Variants in PATJ observed in about 807,000 individuals in gnomAD.
PATJ encodes the protein inaD-like protein.
In PATJ, 190 loss-of-function variants were observed where a neutral mutation model predicts 224.9. The ratio of observed to expected loss-of-function variants is 0.84; its 90% CI spans 0.75 to 0.95. The LOEUF is 0.95. Ranked by LOEUF, PATJ falls within the 40% of genes least tolerant of loss-of-function variation. The pLI, the probability that PATJ is intolerant of heterozygous loss-of-function variation, is 0.00. For synonymous variants in PATJ, 769 were observed against 820.3 expected, an observed-to-expected ratio of 0.94 and a Z score of 1.07; for missense variants, 2,121 against 2,270.3, an observed-to-expected ratio of 0.93 and a Z score of 1.34.
chr1:61,771,399 A>T, intron 5 of PATJ, 32 bp from the exon 6 acceptor site: 1 of 1,414,418 alleles, frequency 7.1e-7, no homozygotes, highest in East Asian at 2.4e-5. Context: ...TTATTAGATC[A>T]CTTAAAAAAT....
At chr1:61,780,338 G>A (rs1647180029) in intron 7 of PATJ, among the ~76,000 whole-genome samples, 1 of 152,026 alleles carries the variant, frequency 6.6e-6, no homozygotes, top group Non-Finnish European at 1.5e-5. Flanking sequence ...GGAGGTGCAT[G>A]CCCATAATCC....
chr1:61,796,721 TCTTTTTCTTTCTTTCTTTCTTTTTTTTC>T (rs1651320800), intron 10 of PATJ, among the ~76,000 whole-genome samples: 1 of 25,848 alleles, frequency 3.9e-5, no homozygotes, highest in East Asian at 1.6e-3. Flanking sequence ...TTTCTTTCTT[TCTTTTTCTTTCTTTCTTTCTTTTTTTTC>T]TTCCTTTCTT....
chr1:62,032,529 G>A (rs1649532608), intron 29 of PATJ, among the ~76,000 whole-genome samples: 1 of 152,078 alleles, frequency 6.6e-6, no homozygotes, highest in African/African-American at 2.4e-5. Flanking sequence ...TGTAAACTGG[G>A]GGCAGGAATT....
chr1:61,772,155 A>T (rs1014161072), intron 6 of PATJ, among the ~76,000 whole-genome samples: 35 of 130,704 alleles, frequency 2.7e-4, no homozygotes, highest in Middle Eastern at 4.6e-3. Context: ...TCCCTTTAAG[A>T]TTATTATTTA....
rs761375891 is a variant in PATJ at position 62,078,565 on chromosome 1, C to T, written c.4126-885C>T. On this transcript the variant is annotated intron_variant, in intron 31 of 43. Coordinates refer to ENST00000642238, the MANE Select transcript of PATJ (RefSeq NM_001350145.3). ...CCTCCCAAAGTGCTGGGTTTACAGG[C>T]GTGAGCCACCATGCCTGGCCCCTTA... 4.6e-5 allele frequency among the ~76,000 whole-genome samples: 7 copies of T among 151,940 alleles called. No individual in the cohort carries two copies. In the East Asian group the frequency reaches 1.2e-3, roughly 25 times the overall value.
At chr1:61,923,428 T>C (rs1674624723) in intron 26 of PATJ, among the ~76,000 whole-genome samples, 1 of 152,198 alleles carries the variant, frequency 6.6e-6, no homozygotes, top group Non-Finnish European at 1.5e-5. Context: ...GCGTACTCTT[T>C]TCAAAGTTAG....
chr1:61,780,054 C>T (rs1021536533), intron 7 of PATJ, among the ~76,000 whole-genome samples: 1 of 152,164 alleles, frequency 6.6e-6, no homozygotes, highest in African/African-American at 2.4e-5. Context: ...CCCACTGGGC[C>T]CCACCTCAAA....
rs1457851607 is a variant in PATJ, at chr1:61,766,294, T to G, written c.205T>G (p.Ser69Ala). 5 of 1,608,240 alleles carry G rather than the reference T, an allele frequency of 3.1e-6. No homozygotes were observed. In the African/African-American group the frequency reaches 6.7e-5, roughly 22 times the overall value. ...TCTCCAACAGCTCAACCATATACCC[T>G]CAGATTGTTCAGCCAACTTTGATTT... ...QLKGQLNHIP[S>A]DCSANFDFSR... The change falls in exon 4 of 44, where the codon TCA (serine) becomes GCA (alanine). Residue 69 changes from serine to alanine, a missense_variant. Ser to Ala is a moderately conservative substitution (Grantham distance 99, BLOSUM62 1). Coordinates refer to ENST00000642238, the MANE Select transcript of PATJ (RefSeq NM_001350145.3).
intron 25 of PATJ, among the ~76,000 whole-genome samples, chr1:61,912,313 G>T (rs1263074009): frequency 6.6e-6 from 1 of 152,042 alleles, no homozygotes; most frequent in Admixed American, 6.6e-5. Flanking sequence ...AAAACAGTGG[G>T]CTGGGCGCAG....
chr1:61,772,227 C>T (rs1387513805), intron 6 of PATJ, among the ~76,000 whole-genome samples: 3 of 150,016 alleles, frequency 2.0e-5, no homozygotes, highest in African/African-American at 7.3e-5. Flanking sequence ...TCTTGTATTC[C>T]TTGGTGATGT....
intron 33 of PATJ, among the ~76,000 whole-genome samples, chr1:62,098,308 G>A (rs562776741): frequency 2.1e-4 from 31 of 146,832 alleles, no homozygotes; most frequent in East Asian, 7.9e-4. Flanking sequence ...GCAGTGAGCC[G>A]AGATTGCACG....
chr1:61,848,236 G>T (rs191219278), intron 17 of PATJ, among the ~76,000 whole-genome samples: 120 of 152,330 alleles, frequency 7.9e-4, no homozygotes, highest in Middle Eastern at 3.4e-3. Flanking sequence ...TACACATCCA[G>T]GTGGGGACCG....
chr1:61,916,196 C>T (rs1332547122), intron 26 of PATJ, among the ~76,000 whole-genome samples: 3 of 151,712 alleles, frequency 2.0e-5, no homozygotes, highest in African/African-American at 4.8e-5. Flanking sequence ...ACTGGGAAAA[C>T]CATAATGGTG....
rs1275031671 is a variant in PATJ at position 61,871,463 on chromosome 1, A to ATGTG, written c.2836-3779_2836-3778insGTGT. 2.1e-5 allele frequency among the ~76,000 whole-genome samples: 3 copies of ATGTG among 142,458 alleles called. No individual in the cohort carries two copies. The South Asian group carries it at 6.4e-4, about 30-fold the overall frequency. The allele number at this position is 142,458 out of a possible 152,430, so 93.5% of individuals were successfully genotyped here. On this transcript the variant is annotated intron_variant, in intron 20 of 43. Transcript: ENST00000642238. ...TATATACACATATATATGCGTATAT[A>ATGTG]TATGTATATACATATATATGTGTAT...
At chr1:62,100,436 G>A (rs1662009309) in intron 33 of PATJ, 1 of 716,790 alleles carries the variant, frequency 1.4e-6, no homozygotes, top group Non-Finnish European at 2.6e-6. Flanking sequence ...AGAGGGAGGG[G>A]GGCTGAACTC....
At chr1:61,976,631 C>A (rs957134292) in intron 27 of PATJ, among the ~76,000 whole-genome samples, 1 of 152,012 alleles carries the variant, frequency 6.6e-6, no homozygotes, top group African/African-American at 2.4e-5. Context: ...TGGTCTCGAG[C>A]TTCTGACCTC....
At chr1:62,072,926 A>T in intron 31 of PATJ, 1 of 511,080 alleles carries the variant, frequency 2.0e-6, no homozygotes, top group Non-Finnish European at 2.5e-6. Context: ...TTTTTGTAGT[A>T]GACTGAAGCC....
chr1:61,933,191 G>T (rs1676283345), intron 27 of PATJ, among the ~76,000 whole-genome samples: 2 of 152,120 alleles, frequency 1.3e-5, no homozygotes, highest in African/African-American at 4.8e-5. Flanking sequence ...AAGGTTGCAG[G>T]ATTTGTCAAA....
At chr1:61,985,857 A>G (rs1245781390) in intron 27 of PATJ, among the ~76,000 whole-genome samples, 1 of 152,074 alleles carries the variant, frequency 6.6e-6, no homozygotes, top group East Asian at 1.9e-4. Context: ...AAAGTTAAGT[A>G]GAAAAGAGCA....
Sources: allele counts gnomAD v4.1 joint callset (sites outside exome capture counted in the v4.1 genomes callset), GRCh38; gene constraint gnomAD v4.1.1; transcripts MANE v1.5; gene names NCBI Gene and HGNC (gene_info 2026-07-23, HGNC 2026-07-21).